The following COPZ1 variants were observed in gnomAD, a reference collection of about 807,000 sequenced individuals.
The protein encoded by COPZ1 is coat protein complex I subunit zeta 1.
A neutral mutation model predicts 31.7 loss-of-function variants in COPZ1; 4 were observed. The observed-to-expected ratio is 0.13, with a 90% confidence interval of 0.06 to 0.29. The LOEUF is 0.29. Among genes scored for constraint, COPZ1 ranks in the 10% least tolerant of loss-of-function variants. The probability of loss-of-function intolerance (pLI) is 1.00; values close to 1 mark genes in which losing one functional copy is unlikely to be tolerated. For missense variants in COPZ1, 156 were observed against 211.5 expected (o/e 0.74, Z 1.63); for synonymous variants, 74 against 79.0 (o/e 0.94, Z 0.33).
intron 1 of COPZ1, among the ~76,000 whole-genome samples, chr12:54,337,802 A>G (rs1264969459): frequency 2.0e-5 from 3 of 152,214 alleles, no homozygotes; most frequent in Non-Finnish European, 4.4e-5. Flanking sequence ...TGAGAGCTCC[A>G]GTAAGCTCTA....
At chr12:54,328,644 C>T (rs536225385) in intron 1 of COPZ1, among the ~76,000 whole-genome samples, 2 of 152,348 alleles carry the variant, frequency 1.3e-5, no homozygotes, top group South Asian at 2.1e-4. Flanking sequence ...TCAGTGAAGT[C>T]TGTTTCAGCC....
Position 54,345,419 on chromosome 12 carries a change from G to A in COPZ1, c.262-41G>A, listed in dbSNP as rs749608832. On this transcript the variant is annotated intron_variant, in intron 4 of 8. Transcript: ENST00000262061. ...TTGTTTTTAGGTAGCAGCTTTCAGG[G>A]CCTTGAACCTTATCCTTCTGCCTCC... The A allele has an allele frequency of 4.6e-6, 7 of 1,531,212 alleles. No individual in the cohort carries two copies. In the Admixed American group the frequency reaches 5.0e-5, roughly 11 times the overall value. The allele number at this position is 1,531,212 out of a possible 1,614,324, so 94.9% of individuals were successfully genotyped here. A position where few individuals can be genotyped will look rare whatever the true frequency, so the allele number is the denominator to read the frequency against.
intron 1 of COPZ1, among the ~76,000 whole-genome samples, chr12:54,334,725 T>G (rs11170875): frequency 6.6e-6 from 1 of 151,144 alleles, no homozygotes; most frequent in African/African-American, 2.4e-5. Context: ...GTCGTAGTGG[T>G]GGGTGCCTGT....
chr12:54,325,271 T>A, intron 1 of COPZ1, 90 bp downstream of exon 1: 1 of 1,467,416 alleles, frequency 6.8e-7, no homozygotes. Flanking sequence ...GGAAAGAGAG[T>A]TCCGGGTAAT....
At chr12:54,325,302 G>T in intron 1 of COPZ1, 121 bp downstream of exon 1, 2 of 1,302,022 alleles carry the variant, frequency 1.5e-6, no homozygotes, top group Non-Finnish European at 2.1e-6. Context: ...TGAGCGTTCT[G>T]CTGACCTTTG....
chr12:54,329,254 A>C (rs891761184), intron 1 of COPZ1, among the ~76,000 whole-genome samples: 2 of 152,080 alleles, frequency 1.3e-5, no homozygotes, highest in Non-Finnish European at 2.9e-5. Flanking sequence ...GTGGAATCTT[A>C]AAGATAAGGA....
chr12:54,349,887 A>C (rs1592212979), intron 8 of COPZ1: 1 of 608,462 alleles, frequency 1.6e-6, no homozygotes, highest in South Asian at 1.9e-5. Context: ...CTTGCTCTGT[A>C]CCCTTCAAAC....
rs1173435177 is a variant in COPZ1 at position 54,350,755 on chromosome 12, G to A, written c.*232G>A. The A allele has an allele frequency of 4.5e-5, 26 of 576,428 alleles. 1 individual carries two copies. In the Admixed American group the frequency reaches 5.1e-4, roughly 11 times the overall value. The allele number at this position is 576,428 out of a possible 1,614,324, so 35.7% of individuals were successfully genotyped here. On this transcript the variant is annotated 3_prime_UTR_variant, in exon 9 of 9. Coordinates refer to ENST00000262061, the MANE Select transcript of COPZ1 (RefSeq NM_016057.3). ...GCTCCCAGCATATTTAGATAATAGG[G>A]CAGGGGAAGCACCCTCTTTCTTTCT... is the stretch of plus-strand genomic sequence containing the variant.
rs367798151 is a variant in COPZ1, at chr12:54,348,066, G to T, written c.447+15G>T. The T allele has an allele frequency of 2.2e-5, 35 of 1,613,424 alleles. No homozygotes were observed. Among genetic ancestry groups the T allele is most frequent in the Admixed American group, 3.3e-5 (2 of 59,980 alleles). On this transcript the variant is annotated intron_variant, in intron 7 of 8. Coordinates refer to ENST00000262061, the MANE Select transcript of COPZ1 (RefSeq NM_016057.3). ...TGGCATTAAGGGTAAGCAAGAATGT[G>T]TTTCTTTGCATCCCCGCATCTATTC...
In COPZ1 at chr12:54,343,306, A is replaced by G. The variant is rs992102760; in HGVS notation, c.251A>G (p.Tyr84Cys). The G allele has an allele frequency of 8.7e-6, 14 of 1,612,728 alleles. No individual in the cohort carries two copies. In the Admixed American group the frequency reaches 1.3e-4, roughly 15 times the overall value. Residue 84 changes from tyrosine to cysteine, a missense_variant, in exon 4 of 9, where the codon TAT (tyrosine) becomes TGT (cysteine). Tyr to Cys is a radical substitution (Grantham distance 194). Coordinates refer to ENST00000262061, the MANE Select transcript of COPZ1 (RefSeq NM_016057.3). ...DLYFYVIGSS[Y>C]ENELMLMAVL... ...TATTTCTATGTGATTGGCAGCTCCT[A>G]TGAAAATGAGGTGAGAATCCCCACC...
intron 1 of COPZ1, among the ~76,000 whole-genome samples, chr12:54,336,736 G>T (rs1592202222): frequency 6.7e-6 from 1 of 149,368 alleles, no homozygotes; most frequent in Middle Eastern, 3.5e-3. Flanking sequence ...AGAAGCCCCT[G>T]ATTGAGGCCG....
Position 54,350,623 on chromosome 12 carries a change from G to A in COPZ1, c.*100G>A, listed in dbSNP as rs1592213564. The A allele has an allele frequency of 7.5e-6, 7 of 929,560 alleles. No individual in the cohort carries two copies. Among genetic ancestry groups the A allele is most frequent in the Admixed American group, 1.7e-5 (1 of 58,158 alleles). 57.6% of individuals were successfully genotyped at this position (929,560 alleles called of 1,614,324 possible). ...CAATCGATGCTCTCAGGGTCATCTC[G>A]GGGATCACAGGGATCCTTAAATCTC... On this transcript the variant is annotated 3_prime_UTR_variant, in exon 9 of 9. Coordinates refer to ENST00000262061, the MANE Select transcript of COPZ1 (RefSeq NM_016057.3).
Position 54,350,670 on chromosome 12 carries a change from C to A in COPZ1, c.*147C>A, listed in dbSNP as rs1484555047. On this transcript the variant is annotated 3_prime_UTR_variant, in exon 9 of 9. Coordinates refer to ENST00000262061, the MANE Select transcript of COPZ1 (RefSeq NM_016057.3). Reference sequence around the variant, plus strand: ...TCTCCATTCTGTTTGTGGTTGCCCCCTCAACCTCCCCTACACCCTTCCTAT... The same window carrying A: ...TCTCCATTCTGTTTGTGGTTGCCCCATCAACCTCCCCTACACCCTTCCTAT... The A allele has an allele frequency of 1.4e-6, 1 of 700,276 alleles. No homozygotes were observed. The highest frequency in any genetic ancestry group is 2.6e-6 in the Non-Finnish European group (1 of 383,910). The allele number at this position is 700,276 out of a possible 1,614,324, so 43.4% of individuals were successfully genotyped here. A position where few individuals can be genotyped will look rare whatever the true frequency, so the allele number is the denominator to read the frequency against.
At chr12:54,349,172 G>A (rs1433930720) in intron 7 of COPZ1, among the ~76,000 whole-genome samples, 1 of 152,164 alleles carries the variant, frequency 6.6e-6, no homozygotes, top group Non-Finnish European at 1.5e-5. Flanking sequence ...TGCTGTTGCA[G>A]CAGTTTATTT....
chr12:54,340,331 T>C lies in COPZ1; in HGVS notation c.19-216T>C, dbSNP rs892712706. 61 of 657,676 alleles carry C rather than the reference T, an allele frequency of 9.3e-5. No individual in the cohort carries two copies. The African/African-American group carries it at 1.1e-3, about 12-fold the overall frequency. The allele number at this position is 657,676 out of a possible 1,614,324, so 40.7% of individuals were successfully genotyped here. Reference sequence around the variant, plus strand: ...AGAAACTGTTTCTCTGATGGTACTTTGGAATCCTTTGTTTAAATGCTTTCT... The same window carrying C: ...AGAAACTGTTTCTCTGATGGTACTTCGGAATCCTTTGTTTAAATGCTTTCT... On this transcript the variant is annotated intron_variant, in intron 1 of 8. Coordinates refer to ENST00000262061, the MANE Select transcript of COPZ1 (RefSeq NM_016057.3).
intron 5 of COPZ1, among the ~76,000 whole-genome samples, chr12:54,347,262 C>T (rs1954080329): frequency 6.6e-6 from 1 of 152,180 alleles, no homozygotes. Context: ...GCAGACCCTG[C>T]CCCCTCTTTG....
intron 2 of COPZ1, among the ~76,000 whole-genome samples, chr12:54,341,817 G>A (rs780610721): frequency 1.3e-5 from 2 of 152,202 alleles, no homozygotes; most frequent in African/African-American, 2.4e-5. Flanking sequence ...CTATGGAAGT[G>A]TTCTGTGCTT....
chr12:54,342,344 G>T, intron 3 of COPZ1, 57 bp downstream of exon 3: 1 of 1,226,180 alleles, frequency 8.2e-7, no homozygotes. Flanking sequence ...GTGGAAAGGG[G>T]GTGGTAACAG....
intron 1 of COPZ1, chr12:54,337,207 C>T (rs1953887172): frequency 1.9e-6 from 1 of 534,402 alleles, no homozygotes; most frequent in South Asian, 1.4e-5. Context: ...TCTGCCTATA[C>T]ATCATTTCCA....
Sources: gnomAD v4.1 joint callset for allele counts (sites outside exome capture counted in the v4.1 genomes callset) on GRCh38, gnomAD v4.1.1 for gene constraint, MANE v1.5 for transcripts, NCBI Gene and HGNC (gene_info 2026-07-23, HGNC 2026-07-21) for gene names.